The following UPF3B variants were observed in gnomAD, a reference collection of about 807,000 sequenced individuals.
The protein encoded by UPF3B is UPF3B regulator of nonsense mediated mRNA decay.
UPF3B carries 7 observed loss-of-function variants against 40.3 expected under a neutral mutation model. The observed-to-expected ratio is 0.17, with a 90% CI of 0.10 to 0.33. UPF3B has a LOEUF of 0.33. Among genes scored for constraint, UPF3B ranks in the 10% least tolerant of loss-of-function variants. UPF3B has a pLI of 1.00. For synonymous variants in UPF3B, 117 were observed against 117.3 expected (o/e 1.00, Z 0.01); for missense variants, 229 against 358.9 (o/e 0.64, Z 2.93).
chrX:119,842,656 C>CA (rs200315909), intron 5 of UPF3B, among the ~76,000 whole-genome samples: 1,065 of 104,371 alleles, frequency 0.01, 8 homozygotes, highest in Middle Eastern at 0.058. Flanking sequence ...AGCAAGCAAG[C>CA]AAAAAAAACA....
At chrX:119,848,852 G>A (rs1367596419) in intron 3 of UPF3B, among the ~76,000 whole-genome samples, 2 of 111,515 alleles carry the variant, frequency 1.8e-5, no homozygotes, top group African/African-American at 3.3e-5. Context: ...TAATAGATAT[G>A]GGTTTCTTTT....
At chrX:119,805,558 A>G (rs919191603) in intron 6 of UPF3B, 1 of 111,774 alleles carries the variant, frequency 8.9e-6, no homozygotes, top group Admixed American at 9.6e-5. Flanking sequence ...GCAACCTACA[A>G]AATGGGAGAA....
In UPF3B at chrX:119,845,230, T is replaced by C. The variant is rs760147057; in HGVS notation, c.437A>G (p.Lys146Arg). The C allele has an allele frequency of 8.3e-7, 1 of 1,209,276 alleles. No homozygotes were observed. The highest frequency in any genetic ancestry group is 1.7e-5 in the African/African-American group (1 of 57,344). Residue 146 changes from lysine (K) to arginine (R), a missense_variant, in exon 4 of 11, where the codon AAA becomes AGA. By Grantham distance (26) the Lys-to-Arg change is conservative. This residue lies in a region of UPF3B where 87 missense variants were observed against 184.2 expected (regional missense o/e 0.47). Coordinates refer to ENST00000276201, the MANE Select transcript of UPF3B (RefSeq NM_080632.3). Reference sequence around the variant, plus strand: ...GATAGTCCCGACTTTGGTATCTCTTTTCTTAGTCTTCTTTTTTGCAGCTTT... The same window carrying C: ...GATAGTCCCGACTTTGGTATCTCTTCTCTTAGTCTTCTTTTTTGCAGCTTT... The part of the protein sequence containing the change: ...FQKAAKKKTK[K>R]RDTKVGTIDD...
rs1054442915 is a variant in UPF3B, at chrX:119,820,460, G to T, written c.494+2482C>A. ...GCCACCAAGCCCGGCCTTTTTTTGG[G>T]TGTGGTGGTGAGGGGGGCAGATGGA... On this transcript the variant is annotated intron_variant, in intron 4 of 6. Transcript: ENST00000636792. Among the ~76,000 whole-genome samples, 127 of 100,380 alleles carry T rather than the reference G, an allele frequency of 1.3e-3. 1 individual carries two copies. The highest frequency in any genetic ancestry group is 4.5e-3 in the African/African-American group (120 of 26,656). 87.2% of individuals were successfully genotyped at this position (100,380 alleles called of 115,157 possible). A position where few individuals can be genotyped will look rare whatever the true frequency, so the allele number is the denominator to read the frequency against.
intron 5 of UPF3B, 47 bp downstream of exon 5, chrX:119,843,144 G>T (rs2056186707): frequency 7.0e-6 from 6 of 857,788 alleles, no homozygotes; most frequent in Non-Finnish European, 8.7e-6. Flanking sequence ...GGAGACTTAG[G>T]TACTGTGATG....
At chrX:119,845,388 T>C in intron 3 of UPF3B, 92 bp from the exon 4 acceptor site, 1 of 716,677 alleles carries the variant, frequency 1.4e-6, no homozygotes, top group Non-Finnish European at 2.1e-6. Flanking sequence ...TATGACTCTT[T>C]TGATGGCAGT....
chrX:119,848,281 CAAAAAAAAAAAAAA>C (rs144679153), intron 3 of UPF3B, among the ~76,000 whole-genome samples: 2 of 23,930 alleles, frequency 8.4e-5, no homozygotes, highest in Non-Finnish European at 1.6e-4. Flanking sequence ...GACTCCATCT[CAAAAAAAAAAAAAA>C]AAAAAAAAAA....
chrX:119,831,829 A>G (rs764924708), downstream of UPF3B: 104 of 364,200 alleles, frequency 2.9e-4, no homozygotes, highest in South Asian at 1.1e-3. Context: ...TTTCTTTATC[A>G]TAAGTTATAT....
Position 119,838,364 on chromosome X carries a change from G to T in UPF3B, c.1007+3C>A. 1 of 1,211,062 alleles carries T rather than the reference G, an allele frequency of 8.3e-7. No individual in the cohort carries two copies. Among genetic ancestry groups the T allele is most frequent in the Middle Eastern group, 2.3e-4 (1 of 4,320 alleles). The stretch of plus-strand genomic sequence containing the variant: ...ACATAACAAAGAGTCCTTGACTACT[G>T]ACCTCTTTGGTTTTTCATCTTTAAG... On this transcript the variant is annotated splice_donor_region_variant and intron_variant, in intron 9 of 10. Transcript: ENST00000276201.
intron 5 of UPF3B, among the ~76,000 whole-genome samples, chrX:119,810,761 C>G (rs970389880): frequency 9.0e-6 from 1 of 110,965 alleles, no homozygotes; most frequent in Non-Finnish European, 1.9e-5. Flanking sequence ...TGGTATTTAG[C>G]TCCTTCCAAC....
intron 3 of UPF3B, among the ~76,000 whole-genome samples, chrX:119,823,556 C>CTTTTT (rs1569459617): frequency 1.2e-4 from 5 of 42,086 alleles, no homozygotes; most frequent in African/African-American, 3.8e-4. Flanking sequence ...TCTTTTTTTC[C>CTTTTT]TCTTTTTTTT....
At chrX:119,843,616 T>C (rs2056193146) in intron 4 of UPF3B, among the ~76,000 whole-genome samples, 1 of 112,177 alleles carries the variant, frequency 8.9e-6, no homozygotes, top group Non-Finnish European at 1.9e-5. Flanking sequence ...CTAAACTAAG[T>C]TAGGTGTTCC....
At chrX:119,842,595 C>T (rs1250021582) in intron 5 of UPF3B, among the ~76,000 whole-genome samples, 3 of 85,663 alleles carry the variant, frequency 3.5e-5, no homozygotes, top group African/African-American at 1.6e-4. Flanking sequence ...CACACACACA[C>T]ACACACACAT....
chrX:119,847,337 C>T (rs1360471646), intron 3 of UPF3B, among the ~76,000 whole-genome samples: 3 of 111,490 alleles, frequency 2.7e-5, no homozygotes, highest in Admixed American at 1.9e-4. Flanking sequence ...ATCCCAGCTA[C>T]TCAGGAGGCT....
At chrX:119,841,320 T>A in intron 6 of UPF3B, 62 bp from the exon 7 acceptor site, 1 of 1,195,257 alleles carries the variant, frequency 8.4e-7, no homozygotes, top group Non-Finnish European at 1.1e-6. Context: ...CCCTAATAAA[T>A]CCTGAAGTCA....
At chrX:119,836,057 TA>T (rs900047683) in intron 10 of UPF3B, among the ~76,000 whole-genome samples, 1 of 110,573 alleles carries the variant, frequency 9.0e-6, no homozygotes, top group Non-Finnish European at 1.9e-5. Flanking sequence ...TAGGTCCTAT[TA>T]AAAAAAAGAC....
At chrX:119,839,126 A>G (rs1451937295) in intron 8 of UPF3B, among the ~76,000 whole-genome samples, 2 of 111,632 alleles carry the variant, frequency 1.8e-5, no homozygotes, top group African/African-American at 6.5e-5. Flanking sequence ...TGCATACTTC[A>G]AAGTATGCTT....
chrX:119,851,379 G>A, intron 3 of UPF3B, 116 bp downstream of exon 3: 1 of 542,357 alleles, frequency 1.8e-6, no homozygotes, highest in Non-Finnish European at 3.3e-6. Context: ...CTATTTATAA[G>A]ACTGCAATAA....
chrX:119,815,956 A>G (rs747631628), intron 4 of UPF3B, among the ~76,000 whole-genome samples: 1 of 110,921 alleles, frequency 9.0e-6, no homozygotes, highest in African/African-American at 3.3e-5. Context: ...TAATTTTTGT[A>G]TTTTTAGTAG....
Sources: allele counts gnomAD v4.1 joint callset (sites outside exome capture counted in the v4.1 genomes callset), GRCh38; gene constraint gnomAD v4.1.1; regional missense constraint gnomAD v4.1.1; transcripts MANE v1.5; gene names NCBI Gene and HGNC (gene_info 2026-07-23, HGNC 2026-07-21).